Variants in STARD13 observed in about 807,000 individuals in gnomAD.
STARD13 encodes the protein stAR-related lipid transfer protein 13.
In STARD13, 62 loss-of-function variants were observed where a neutral mutation model predicts 106.4. The observed-to-expected ratio is 0.58, with a 90% CI of 0.48 to 0.72. STARD13 has a LOEUF of 0.72. Ranked by LOEUF, STARD13 falls within the 30% of genes least tolerant of loss-of-function variation. The pLI is 0.00. For missense variants in STARD13, 1,387 were observed against 1,424.0 expected (o/e 0.97, Z 0.42); for synonymous variants, 565 against 553.0 (o/e 1.02, Z -0.31).
chr13:33,405,384 G>A, the STARD13 span, among the ~76,000 whole-genome samples: 1 of 152,346 alleles, frequency 6.6e-6, no homozygotes, highest in Admixed American at 6.5e-5. Context: ...ACTTGTGGGT[G>A]CTCACACACA....
the STARD13 span, among the ~76,000 whole-genome samples, chr13:33,438,093 C>T: frequency 4.6e-5 from 7 of 152,126 alleles, no homozygotes; most frequent in African/African-American, 9.7e-5. Flanking sequence ...AAGTCAACTA[C>T]GGTTGTTTCT....
chr13:33,420,968 A>C, the STARD13 span, among the ~76,000 whole-genome samples: 2 of 152,312 alleles, frequency 1.3e-5, no homozygotes, highest in African/African-American at 2.4e-5. Flanking sequence ...GTAGAGGGAA[A>C]TTTATAGCAC....
chr13:33,107,323 C>T (rs1873901756), intron 12 of STARD13, among the ~76,000 whole-genome samples: 1 of 152,078 alleles, frequency 6.6e-6, no homozygotes, highest in Non-Finnish European at 1.5e-5. Context: ...CTCTGAGAAG[C>T]CACCAAGGAC....
At chr13:33,411,882 T>C in the STARD13 span, among the ~76,000 whole-genome samples, 1 of 151,754 alleles carries the variant, frequency 6.6e-6, no homozygotes, top group Non-Finnish European at 1.5e-5. Flanking sequence ...TATTCAGAGA[T>C]GAATGAGAAA....
At chr13:33,475,283 T>C in the STARD13 span, among the ~76,000 whole-genome samples, 1 of 152,170 alleles carries the variant, frequency 6.6e-6, no homozygotes, top group Non-Finnish European at 1.5e-5. Flanking sequence ...AGTTAATATA[T>C]AATTCTGTAT....
chr13:33,111,193 A>G (rs567696036), intron 10 of STARD13, among the ~76,000 whole-genome samples: 2 of 152,180 alleles, frequency 1.3e-5, no homozygotes, highest in South Asian at 4.2e-4. Flanking sequence ...CTTTTTATTC[A>G]GTTTGGCAAA....
chr13:33,455,898 C>T, the STARD13 span, among the ~76,000 whole-genome samples: 4 of 152,062 alleles, frequency 2.6e-5, no homozygotes, highest in South Asian at 6.2e-4. Flanking sequence ...GAGCCAAGAT[C>T]GCACCACGGC....
chr13:33,599,330 A>G, the STARD13 span, among the ~76,000 whole-genome samples: 1 of 152,228 alleles, frequency 6.6e-6, no homozygotes, highest in Non-Finnish European at 1.5e-5. Flanking sequence ...AGAATACCTG[A>G]AACTCTTAAC....
chr13:33,384,461 C>T, the STARD13 span, among the ~76,000 whole-genome samples: 5 of 152,158 alleles, frequency 3.3e-5, no homozygotes, highest in South Asian at 8.3e-4. Context: ...TGTCCACTGG[C>T]CCGAGAAAGC....
At chr13:33,672,050 A>G in the STARD13 span, among the ~76,000 whole-genome samples, 322 of 152,348 alleles carry the variant, frequency 2.1e-3, 6 homozygotes, top group African/African-American at 7.6e-3. Context: ...TCATTCTACT[A>G]TAAAGACACA....
intron 1 of STARD13, among the ~76,000 whole-genome samples, chr13:33,265,048 G>T (rs147225438): frequency 6.6e-6 from 1 of 152,144 alleles, no homozygotes; most frequent in Non-Finnish European, 1.5e-5. Context: ...GATCATTTGC[G>T]CATTTTCAGA....
intron 1 of STARD13, among the ~76,000 whole-genome samples, chr13:33,332,683 C>A (rs963693537): frequency 2.6e-5 from 4 of 152,310 alleles, no homozygotes; most frequent in Non-Finnish European, 5.9e-5. Flanking sequence ...CCTGAGACAC[C>A]TTTTCTGTTC....
intron 3 of STARD13, among the ~76,000 whole-genome samples, chr13:33,156,279 C>T (rs1284411080): frequency 1.3e-5 from 2 of 152,178 alleles, no homozygotes; most frequent in Admixed American, 6.5e-5. Context: ...GAGCCCTGGC[C>T]ATGTTGGGCA....
the STARD13 span, among the ~76,000 whole-genome samples, chr13:33,595,990 A>G: frequency 6.6e-6 from 1 of 152,152 alleles, no homozygotes. Flanking sequence ...GAGTATTTGT[A>G]GCCTCAGTTT....
chr13:33,545,022 C>T, the STARD13 span, among the ~76,000 whole-genome samples: 1 of 151,936 alleles, frequency 6.6e-6, no homozygotes, highest in East Asian at 1.9e-4. Context: ...ATGGTGCGAT[C>T]TCAGCTCATC....
chr13:33,480,907 T>C, the STARD13 span, among the ~76,000 whole-genome samples: 2 of 152,140 alleles, frequency 1.3e-5, no homozygotes, highest in Non-Finnish European at 2.9e-5. Context: ...CTATTAATAA[T>C]TACTGGGGTC....
At chr13:33,649,885 A>G in the STARD13 span, among the ~76,000 whole-genome samples, 1 of 152,220 alleles carries the variant, frequency 6.6e-6, no homozygotes, top group Non-Finnish European at 1.5e-5. Flanking sequence ...ATTAATAAAA[A>G]ATAAAAATTA....
chr13:33,555,351 C>T, the STARD13 span, among the ~76,000 whole-genome samples: 1 of 152,174 alleles, frequency 6.6e-6, no homozygotes, highest in Non-Finnish European at 1.5e-5. Flanking sequence ...TATTTTTAGT[C>T]AGAGGCCAGA....
intron 1 of STARD13, among the ~76,000 whole-genome samples, chr13:33,268,783 G>A (rs999480856): frequency 6.6e-6 from 1 of 152,146 alleles, no homozygotes; most frequent in African/African-American, 2.4e-5. Flanking sequence ...AATAAATCAA[G>A]GATCTGAAGT....
Sources: gnomAD v4.1 joint callset for allele counts (sites outside exome capture counted in the v4.1 genomes callset) on GRCh38, gnomAD v4.1.1 for gene constraint, MANE v1.5 for transcripts, NCBI Gene and HGNC (gene_info 2026-07-23, HGNC 2026-07-21) for gene names.